Variants in GNG12 observed in about 807,000 individuals in gnomAD.
The protein encoded by GNG12 is G protein subunit gamma 12.
For synonymous variants in GNG12, 28 were observed against 29.7 expected (o/e 0.94, Z 0.19); for missense variants, 69 against 83.8 (o/e 0.82, Z 0.69).
intron 2 of GNG12, among the ~76,000 whole-genome samples, chr1:67,708,488 C>A (rs927874711): frequency 6.6e-6 from 1 of 152,166 alleles, no homozygotes; most frequent in African/African-American, 2.4e-5. Context: ...ATCATATGTT[C>A]GTGGATTGAT....
chr1:67,723,252 A>G (rs1207159885), intron 2 of GNG12, among the ~76,000 whole-genome samples: 1 of 152,174 alleles, frequency 6.6e-6, no homozygotes, highest in Non-Finnish European at 1.5e-5. Context: ...AGTGCAGAGG[A>G]TGGCTTTGAG....
rs186130622 is a variant in GNG12 at position 67,708,101 on chromosome 1, C to T, written c.-26-389G>A. Among the ~76,000 whole-genome samples the T allele has an allele frequency of 3.9e-5, 6 of 152,338 alleles. No homozygotes were observed. In the East Asian group the frequency reaches 7.7e-4, roughly 20 times the overall value. On this transcript the variant is annotated intron_variant, in intron 2 of 3. Transcript: ENST00000370982. ...CATATTACATGTCAGTTTAATATTA[C>T]TGCTACCTACTTTCACAGAAGGTTT... is the stretch of plus-strand genomic sequence containing the variant.
chr1:67,738,610 T>C (rs1646465245), intron 2 of GNG12, among the ~76,000 whole-genome samples: 1 of 152,134 alleles, frequency 6.6e-6, no homozygotes, highest in Non-Finnish European at 1.5e-5. Context: ...AGGCCAGGCA[T>C]GGTAGCTCAC....
At chr1:67,711,354 G>A (rs978604401) in intron 2 of GNG12, among the ~76,000 whole-genome samples, 5 of 151,644 alleles carry the variant, frequency 3.3e-5, no homozygotes, top group African/African-American at 9.7e-5. Flanking sequence ...ATGTACACAC[G>A]GGAGTGCCAC....
In GNG12 at chr1:67,833,454, G is replaced by C. The variant is rs1300135151; in HGVS notation, c.-187C>G. The C allele has an allele frequency of 1.0e-6, 1 of 985,328 alleles. No individual in the cohort carries two copies. The highest frequency in any genetic ancestry group is 1.1e-4 in the East Asian group (1 of 8,736). 61.0% of individuals were successfully genotyped at this position (985,328 alleles called of 1,614,324 possible). ...TCCTCCTCTTGCTCCTCCGGGCGCC[G>C]GCTCCGCCTCGCTGGGGTGGGCGGG... On this transcript the variant is annotated 5_prime_UTR_variant, in exon 1 of 4. Coordinates refer to ENST00000370982, the MANE Select transcript of GNG12 (RefSeq NM_018841.6).
chr1:67,739,676 T>C (rs1452779514), intron 2 of GNG12, among the ~76,000 whole-genome samples: 6 of 152,224 alleles, frequency 3.9e-5, no homozygotes, highest in Admixed American at 3.3e-4. Flanking sequence ...TCAAAATATC[T>C]GACAGATGAA....
chr1:67,761,841 A>T (rs989766005), intron 2 of GNG12, among the ~76,000 whole-genome samples: 1 of 152,086 alleles, frequency 6.6e-6, no homozygotes, highest in African/African-American at 2.4e-5. Flanking sequence ...AAACTCTCTC[A>T]GTGATCCTGC....
intron 2 of GNG12, among the ~76,000 whole-genome samples, chr1:67,728,561 T>C (rs567007799): frequency 8.5e-5 from 13 of 152,276 alleles, no homozygotes; most frequent in African/African-American, 2.9e-4. Flanking sequence ...ATACGGGGAC[T>C]GTAAATGTCA....
At chr1:67,706,656 CTTTT>C (rs60300759) in intron 3 of GNG12, among the ~76,000 whole-genome samples, 62,216 of 141,190 alleles carry the variant, frequency 0.44, 14,892 homozygotes, top group South Asian at 0.56. Context: ...TCTTTTCTTT[CTTTT>C]TTTTTTTTTT....
chr1:67,736,248 C>T (rs564417845), intron 2 of GNG12, among the ~76,000 whole-genome samples: 12 of 152,182 alleles, frequency 7.9e-5, no homozygotes, highest in East Asian at 3.9e-4. Context: ...CCTCTTCTTC[C>T]GGTTGTGCCT....
At chr1:67,745,854 G>C (rs1196764741) in intron 2 of GNG12, among the ~76,000 whole-genome samples, 1 of 152,192 alleles carries the variant, frequency 6.6e-6, no homozygotes, top group African/African-American at 2.4e-5. Flanking sequence ...CATCCCCCTA[G>C]AAGCTAAGGT....
chr1:67,760,436 C>T (rs558563097), intron 2 of GNG12, among the ~76,000 whole-genome samples: 2 of 152,232 alleles, frequency 1.3e-5, no homozygotes, highest in African/African-American at 4.8e-5. Flanking sequence ...TGACCAACCA[C>T]GACACCTAGT....
chr1:67,720,671 T>C (rs988663951), intron 2 of GNG12, among the ~76,000 whole-genome samples: 4 of 152,230 alleles, frequency 2.6e-5, no homozygotes, highest in Non-Finnish European at 5.9e-5. Context: ...GATAAAGGCA[T>C]TACTATTATT....
rs536163402 is a variant in GNG12 at position 67,776,691 on chromosome 1, T to A, written c.-27+767A>T. ...CAGCTACCTGTAGATACATGAATAG[T>A]CCCAGGTGAAAGGAGAAGGATCACG... On this transcript the variant is annotated intron_variant, in intron 2 of 3. Coordinates refer to ENST00000370982, the MANE Select transcript of GNG12 (RefSeq NM_018841.6). Among the ~76,000 whole-genome samples the A allele has an allele frequency of 9.2e-5, 14 of 152,148 alleles. 1 individual carries two copies. In the East Asian group the frequency reaches 9.7e-4, roughly 11 times the overall value.
intron 2 of GNG12, among the ~76,000 whole-genome samples, chr1:67,753,558 C>G (rs773092177): frequency 6.6e-6 from 1 of 152,256 alleles, no homozygotes; most frequent in South Asian, 2.1e-4. Flanking sequence ...AGGGCAGCCC[C>G]GATACCTTCC....
At chr1:67,762,998 A>G (rs72684530) in intron 2 of GNG12, among the ~76,000 whole-genome samples, 3,264 of 152,084 alleles carry the variant, frequency 0.021, 57 homozygotes, top group Non-Finnish European at 0.031. Context: ...TTATTTTGAT[A>G]TAAGTTCAGA....
intron 1 of GNG12, among the ~76,000 whole-genome samples, chr1:67,826,244 A>C (rs1647009811): frequency 6.6e-6 from 1 of 152,258 alleles, no homozygotes; most frequent in South Asian, 2.1e-4. Flanking sequence ...AAAAAAAGGC[A>C]TTCCTTCCAT....
At chr1:67,742,529 A>G (rs909204857) in intron 2 of GNG12, among the ~76,000 whole-genome samples, 14 of 152,188 alleles carry the variant, frequency 9.2e-5, no homozygotes, top group African/African-American at 2.9e-4. Context: ...ACTCTATGAG[A>G]TAAGTACGAT....
chr1:67,765,534 G>A (rs1448794642), intron 2 of GNG12, among the ~76,000 whole-genome samples: 1 of 152,148 alleles, frequency 6.6e-6, no homozygotes, highest in Non-Finnish European at 1.5e-5. Flanking sequence ...ATCAACAAAC[G>A]CTTAACAAAG....
Sources: allele counts gnomAD v4.1 joint callset (sites outside exome capture counted in the v4.1 genomes callset), GRCh38; gene constraint gnomAD v4.1.1; transcripts MANE v1.5; gene names NCBI Gene and HGNC (gene_info 2026-07-23, HGNC 2026-07-21).